The following KCNH8 variants were observed in gnomAD, a reference collection of about 807,000 sequenced individuals.
KCNH8 encodes the protein voltage-gated delayed rectifier potassium channel KCNH8.
Under a neutral mutation model 103.6 loss-of-function variants are expected in KCNH8, and 70 were observed. The ratio of observed to expected loss-of-function variants is 0.68; its 90% CI spans 0.56 to 0.82. The LOEUF (loss-of-function observed/expected upper bound fraction) is 0.82, where lower values mean the gene tolerates loss of function less well. Ranked by LOEUF, KCNH8 falls within the 40% of genes least tolerant of loss-of-function variation. The pLI, the probability that KCNH8 is intolerant of heterozygous loss-of-function variation, is 0.00. For synonymous variants in KCNH8, 498 were observed against 489.4 expected (o/e 1.02, Z -0.23); for missense variants, 1,217 against 1,329.9 (o/e 0.92, Z 1.32).
intron 8 of KCNH8, among the ~76,000 whole-genome samples, chr3:19,445,049 T>G (rs1404886955): frequency 6.6e-6 from 1 of 151,900 alleles, no homozygotes; most frequent in African/African-American, 2.4e-5. Flanking sequence ...AAAAGCATTT[T>G]TGTAAGAATC....
At chr3:19,316,654 T>C (rs374972299) in intron 3 of KCNH8, among the ~76,000 whole-genome samples, 3 of 151,970 alleles carry the variant, frequency 2.0e-5, no homozygotes, top group East Asian at 3.9e-4. Context: ...AAGGTTGTAA[T>C]AGGAAGATTG....
At chr3:19,235,786 T>C (rs1464551166) in intron 1 of KCNH8, among the ~76,000 whole-genome samples, 1 of 152,234 alleles carries the variant, frequency 6.6e-6, no homozygotes, top group Non-Finnish European at 1.5e-5. Flanking sequence ...TCTAAGGTTC[T>C]GAGTGAAAGA....
At chr3:19,175,371 G>A (rs1036863655) in intron 1 of KCNH8, among the ~76,000 whole-genome samples, 2 of 151,994 alleles carry the variant, frequency 1.3e-5, no homozygotes, top group South Asian at 2.1e-4. Context: ...ACAGGCGCCC[G>A]CCACTACGCC....
chr3:19,497,065 G>T (rs1008200032), intron 11 of KCNH8, among the ~76,000 whole-genome samples: 2 of 151,992 alleles, frequency 1.3e-5, no homozygotes, highest in Non-Finnish European at 2.9e-5. Flanking sequence ...GTCTCTGAGG[G>T]TTTTTTATAT....
At chr3:19,428,848 C>T (rs1015258457) in intron 7 of KCNH8, among the ~76,000 whole-genome samples, 42 of 152,156 alleles carry the variant, frequency 2.8e-4, no homozygotes, top group African/African-American at 9.7e-4. Context: ...ACTCCATCAC[C>T]GGCATCTGAC....
At chr3:19,367,125 A>C (rs1207598459) in intron 5 of KCNH8, among the ~76,000 whole-genome samples, 2 of 151,788 alleles carry the variant, frequency 1.3e-5, no homozygotes, top group African/African-American at 4.8e-5. Context: ...CAACTGTGTC[A>C]TTCTTTTCAC....
chr3:19,401,922 G>A (rs985774217), intron 7 of KCNH8, among the ~76,000 whole-genome samples: 2 of 151,784 alleles, frequency 1.3e-5, no homozygotes, highest in East Asian at 1.9e-4. Context: ...AAGTTGCCAC[G>A]GTTGCTTAAG....
intron 13 of KCNH8, among the ~76,000 whole-genome samples, chr3:19,513,914 C>G (rs1413497551): frequency 2.6e-5 from 4 of 151,964 alleles, no homozygotes; most frequent in Non-Finnish European, 5.9e-5. Flanking sequence ...CGAAGATGTT[C>G]AGGGGTAGGC....
At chr3:19,216,559 C>A (rs1436816107) in intron 1 of KCNH8, among the ~76,000 whole-genome samples, 1 of 152,178 alleles carries the variant, frequency 6.6e-6, no homozygotes, top group Non-Finnish European at 1.5e-5. Flanking sequence ...GCAAGTGTCA[C>A]CAGCAGCTTC....
intron 7 of KCNH8, among the ~76,000 whole-genome samples, chr3:19,412,811 TTAAAACC>T (rs1431984612): frequency 8.6e-5 from 13 of 151,810 alleles, no homozygotes; most frequent in Non-Finnish European, 1.9e-4. Flanking sequence ...GAAATGCAAG[TTAAAACC>T]GTGAGATGTC....
Sources: gnomAD v4.1 joint callset for allele counts (sites outside exome capture counted in the v4.1 genomes callset) on GRCh38, gnomAD v4.1.1 for gene constraint, MANE v1.5 for transcripts, NCBI Gene and HGNC (gene_info 2026-07-23, HGNC 2026-07-21) for gene names.